Variants in SOHLH2 observed in about 807,000 individuals in gnomAD.
The protein encoded by SOHLH2 is spermatogenesis and oogenesis specific basic helix-loop-helix 2, also known as spermatogenesis- and oogenesis-specific basic helix-loop-helix-containing protein 2.
In SOHLH2, 22 loss-of-function variants were observed where a neutral mutation model predicts 50.4. That is an observed-to-expected ratio of 0.44 (90% CI 0.31 to 0.62). SOHLH2 has a LOEUF of 0.62. SOHLH2 is among the 20% of genes least tolerant of loss of function. SOHLH2 has a pLI of 0.08. For missense variants in SOHLH2, 412 were observed against 504.4 expected (o/e 0.82, Z 1.76); for synonymous variants, 185 against 187.3 (o/e 0.99, Z 0.10).
intron 1 of SOHLH2, among the ~76,000 whole-genome samples, chr13:36,210,264 A>G (rs895275925): frequency 1.1e-4 from 17 of 152,276 alleles, no homozygotes; most frequent in Admixed American, 3.3e-4. Context: ...AAACCAGGTG[A>G]GCACCCTTTG....
intron 9 of SOHLH2, among the ~76,000 whole-genome samples, chr13:36,171,325 ATAATT>A (rs1383229641): frequency 1.3e-5 from 2 of 152,222 alleles, no homozygotes; most frequent in African/African-American, 4.8e-5. Context: ...TTGTGGAAAA[ATAATT>A]TAAGCAACTG....
At chr13:36,185,300 C>G (rs1192800570) in intron 6 of SOHLH2, among the ~76,000 whole-genome samples, 1 of 152,094 alleles carries the variant, frequency 6.6e-6, no homozygotes, top group African/African-American at 2.4e-5. Flanking sequence ...AACCCCATCT[C>G]TACTAAAAAT....
intron 1 of SOHLH2, among the ~76,000 whole-genome samples, chr13:36,203,890 G>A (rs2138322692): frequency 6.6e-6 from 1 of 150,962 alleles, no homozygotes; most frequent in Middle Eastern, 3.5e-3. Context: ...AGTTTATACA[G>A]TCTGGATATT....
chr13:36,195,454 G>A (rs79325120), intron 2 of SOHLH2, among the ~76,000 whole-genome samples: 2,976 of 152,298 alleles, frequency 0.02, 83 homozygotes, highest in African/African-American at 0.068. Context: ...ACCAAAGAGC[G>A]AGGGAGGGCT....
At chr13:36,187,007 A>G (rs4142239) in intron 6 of SOHLH2, among the ~76,000 whole-genome samples, 98,776 of 151,888 alleles carry the variant, frequency 0.65, 32,317 homozygotes, top group East Asian at 0.81. Context: ...AGAGGGAAAG[A>G]CAAAAACTAA....
At chr13:36,173,320 T>C (rs977133141) in intron 9 of SOHLH2, among the ~76,000 whole-genome samples, 3 of 151,950 alleles carry the variant, frequency 2.0e-5, no homozygotes, top group African/African-American at 7.3e-5. Context: ...CTTTGAGAGG[T>C]GACATGCAAG....
chr13:36,208,848 T>C (rs1868936510), intron 1 of SOHLH2, among the ~76,000 whole-genome samples: 1 of 152,220 alleles, frequency 6.6e-6, no homozygotes, highest in African/African-American at 2.4e-5. Context: ...CAAATACTTA[T>C]AAGGTCAAAA....
At chr13:36,203,294 A>G (rs767510046) in intron 1 of SOHLH2, among the ~76,000 whole-genome samples, 1 of 152,164 alleles carries the variant, frequency 6.6e-6, no homozygotes, top group Non-Finnish European at 1.5e-5. Context: ...ATAGTTCAAC[A>G]ATTCCTCAAA....
At chr13:36,214,394 G>A (rs1797687682) in intron 1 of SOHLH2, 85 bp downstream of exon 1, 3 of 1,505,360 alleles carry the variant, frequency 2.0e-6, no homozygotes, top group Non-Finnish European at 2.7e-6. Context: ...CCCCAGGCCG[G>A]GCTTTGAGGG....
At chr13:36,208,406 T>C (rs1052113541) in intron 1 of SOHLH2, among the ~76,000 whole-genome samples, 3 of 152,202 alleles carry the variant, frequency 2.0e-5, no homozygotes, top group African/African-American at 7.2e-5. Flanking sequence ...AATACTATCA[T>C]TTATTTTGTT....
intron 1 of SOHLH2, among the ~76,000 whole-genome samples, chr13:36,208,010 A>G (rs955853542): frequency 1.3e-5 from 2 of 152,164 alleles, no homozygotes; most frequent in African/African-American, 4.8e-5. Context: ...TGTTTTCAGA[A>G]GGCAGTCACT....
intron 4 of SOHLH2, among the ~76,000 whole-genome samples, chr13:36,192,154 G>T (rs999402940): frequency 5.3e-5 from 8 of 152,188 alleles, no homozygotes; most frequent in African/African-American, 1.9e-4. Flanking sequence ...AGTGACAGGT[G>T]TGCTTAAAAC....
intron 1 of SOHLH2, among the ~76,000 whole-genome samples, chr13:36,213,748 C>T (rs146450131): frequency 1.2e-4 from 18 of 152,284 alleles, no homozygotes; most frequent in South Asian, 2.1e-4. Context: ...GTTCCCACCA[C>T]GGCTTTGGTT....
chr13:36,186,293 T>TA (rs1189895418), intron 6 of SOHLH2, among the ~76,000 whole-genome samples: 1 of 152,074 alleles, frequency 6.6e-6, no homozygotes, highest in African/African-American at 2.4e-5. Flanking sequence ...TTTAAGCTGA[T>TA]AAAAAAGCAT....
chr13:36,185,491 CA>C (rs1365450977), intron 6 of SOHLH2, among the ~76,000 whole-genome samples: 1 of 151,216 alleles, frequency 6.6e-6, no homozygotes, highest in East Asian at 1.9e-4. Flanking sequence ...CACAAACAAA[CA>C]AAAAACCCAC....
rs140633290 is a variant in SOHLH2 at position 36,187,067 on chromosome 13, G to A, written c.641+2879C>T. On this transcript the variant is annotated intron_variant, in intron 6 of 10. Transcript: ENST00000379881. ...GAGCTCCCAGGCAAATCTCTAAAGA[G>A]AAAGGGGGAGGTCCTTGTCACAGCT... Among the ~76,000 whole-genome samples, 291 of 152,262 alleles carry A rather than the reference G, an allele frequency of 1.9e-3. 1 individual carries two copies. Among genetic ancestry groups the A allele is most frequent in the African/African-American group, 6.4e-3 (265 of 41,554 alleles).
chr13:36,194,884 T>C (rs1408647926), intron 2 of SOHLH2, among the ~76,000 whole-genome samples: 1 of 152,198 alleles, frequency 6.6e-6, no homozygotes, highest in East Asian at 1.9e-4. Context: ...TCACCCCCAC[T>C]GTATAACATT....
In SOHLH2 at chr13:36,214,462, C is replaced by G. The variant is rs892266219; in HGVS notation, c.48+17G>C. 6.2e-7 allele frequency: 1 copy of G among 1,611,880 alleles called. No individual in the cohort carries two copies. The highest frequency in any genetic ancestry group is 1.3e-5 in the African/African-American group (1 of 74,962). The stretch of plus-strand genomic sequence containing the variant: ...GAGGTTATAAACGCAGCTGCCTCCC[C>G]TTCCACAGCCTCTTACCTGGCCCGA... On this transcript the variant is annotated intron_variant, in intron 1 of 10. Transcript: ENST00000379881.
rs531422944 is a variant in SOHLH2, at chr13:36,195,613, G to C, written c.264-1746C>G. On this transcript the variant is annotated intron_variant, in intron 2 of 10. Coordinates refer to ENST00000379881, the MANE Select transcript of SOHLH2 (RefSeq NM_017826.3). ...CACTCTGCCTATGATGGGATGCGCT[G>C]ATAGGGGTGACACAGGTGGACTGGA... Among the ~76,000 whole-genome samples the C allele has an allele frequency of 2.0e-5, 3 of 152,338 alleles. No homozygotes were observed. The East Asian group carries it at 5.8e-4, about 29-fold the overall frequency.
Sources: gnomAD v4.1 joint callset for allele counts (sites outside exome capture counted in the v4.1 genomes callset) on GRCh38, gnomAD v4.1.1 for gene constraint, MANE v1.5 for transcripts, NCBI Gene and HGNC (gene_info 2026-07-23, HGNC 2026-07-21) for gene names.